The following CFAP20DC variants were observed in gnomAD, a reference collection of about 807,000 sequenced individuals.
The protein encoded by CFAP20DC is protein CFAP20DC.
CFAP20DC carries 84 observed loss-of-function variants against 101.7 expected under a neutral mutation model. That is an observed-to-expected ratio of 0.83 (90% confidence interval 0.69 to 0.99). The LOEUF (loss-of-function observed/expected upper bound fraction) is 0.99, where lower values mean the gene tolerates loss of function less well. Among genes scored for constraint, CFAP20DC ranks in the 50% least tolerant of loss-of-function variants. The probability of loss-of-function intolerance (pLI) is 0.00; values close to 1 mark genes in which losing one functional copy is unlikely to be tolerated. For missense variants in CFAP20DC, 1,007 were observed against 970.3 expected, an observed-to-expected ratio of 1.04 and a Z score of -0.50; for synonymous variants, 359 against 351.2, an observed-to-expected ratio of 1.02 and a Z score of -0.25.
intron 4 of CFAP20DC, among the ~76,000 whole-genome samples, chr3:59,033,157 C>T (rs1284800614): frequency 6.6e-6 from 1 of 152,120 alleles, no homozygotes; most frequent in African/African-American, 2.4e-5. Flanking sequence ...GTATCAACAT[C>T]AACAAAAAGG....
At chr3:58,973,038 T>C (rs974636588) in intron 4 of CFAP20DC, among the ~76,000 whole-genome samples, 17 of 152,204 alleles carry the variant, frequency 1.1e-4, no homozygotes, top group African/African-American at 2.9e-4. Context: ...ATTCAAATTG[T>C]TTCTAAGGTT....
At chr3:58,808,621 TAAAGAC>T (rs1559620889) in intron 14 of CFAP20DC, among the ~76,000 whole-genome samples, 2 of 152,162 alleles carry the variant, frequency 1.3e-5, no homozygotes, top group African/African-American at 4.8e-5. Flanking sequence ...TGCCAAATTG[TAAAGAC>T]CATCGAGGCT....
At chr3:58,881,804 C>CA (rs2081250816) in intron 7 of CFAP20DC, among the ~76,000 whole-genome samples, 1 of 152,030 alleles carries the variant, frequency 6.6e-6, no homozygotes, top group Admixed American at 6.6e-5. Context: ...TAGAAAGACA[C>CA]AAAAACAAGT....
intron 15 of CFAP20DC, among the ~76,000 whole-genome samples, chr3:58,780,540 A>C (rs1300471957): frequency 6.6e-6 from 1 of 152,050 alleles, no homozygotes; most frequent in Admixed American, 6.6e-5. Context: ...TGCTGCCTAC[A>C]AGAATCTCAT....
intron 4 of CFAP20DC, among the ~76,000 whole-genome samples, chr3:58,983,276 C>T (rs2092640508): frequency 6.6e-6 from 1 of 152,090 alleles, no homozygotes; most frequent in Non-Finnish European, 1.5e-5. Context: ...AACAGCTACA[C>T]CTGTTTTATG....
chr3:58,849,463 A>T, intron 12 of CFAP20DC, 54 bp from the exon 13 acceptor site: 1 of 1,287,230 alleles, frequency 7.8e-7, no homozygotes, highest in Non-Finnish European at 1.0e-6. Context: ...GTGGTGAATA[A>T]GTTACTGAGT....
chr3:58,807,654 G>A (rs564623559), intron 14 of CFAP20DC, among the ~76,000 whole-genome samples: 1 of 152,362 alleles, frequency 6.6e-6, no homozygotes, highest in Non-Finnish European at 1.5e-5. Context: ...CTAAAAAGCA[G>A]AGCGCGTCTC....
intron 15 of CFAP20DC, among the ~76,000 whole-genome samples, chr3:58,763,352 C>G (rs935508783): frequency 2.0e-5 from 3 of 152,192 alleles, no homozygotes; most frequent in Non-Finnish European, 4.4e-5. Context: ...CTTGTGTATT[C>G]ATCACGTAGT....
intron 3 of CFAP20DC, among the ~76,000 whole-genome samples, chr3:58,733,248 C>T (rs974894801): frequency 1.3e-5 from 2 of 152,176 alleles, no homozygotes; most frequent in African/African-American, 4.8e-5. Context: ...AGGAGAATCA[C>T]TTGAACGCAG....
chr3:58,962,946 A>G lies in CFAP20DC; in HGVS notation c.279-25184T>C, dbSNP rs79245199. On this transcript the variant is annotated intron_variant, in intron 4 of 16. Coordinates refer to ENST00000482387, the MANE Select transcript of CFAP20DC (RefSeq NM_001394063.1). ...TACTGCTTGCCCCAACCAGGATCTC[A>G]AACTCAGGCCAGCTGTGATGTTGGC... 2.2e-3 allele frequency among the ~76,000 whole-genome samples: 336 copies of G among 152,050 alleles called. 2 individuals carry two copies. Among genetic ancestry groups the G allele is most frequent in the African/African-American group, 7.5e-3 (312 of 41,482 alleles).
chr3:58,814,457 T>G (rs889232086), intron 14 of CFAP20DC, among the ~76,000 whole-genome samples: 3 of 151,370 alleles, frequency 2.0e-5, no homozygotes, highest in Admixed American at 1.3e-4. Flanking sequence ...AAGACAGGGA[T>G]GCCCTCTCTC....
At chr3:58,765,490 C>CAAAAAAAAAAAAAAAAAAAAAAAAAAA (rs1337049385) in intron 15 of CFAP20DC, among the ~76,000 whole-genome samples, 3 of 81,826 alleles carry the variant, frequency 3.7e-5, no homozygotes, top group African/African-American at 1.3e-4. Context: ...AAAAAAAAAC[C>CAAAAAAAAAAAAAAAAAAAAAAAAAAA]AAAAAAAAAA....
At chr3:58,848,168 TA>T (rs55786702) in intron 13 of CFAP20DC, among the ~76,000 whole-genome samples, 3 of 143,998 alleles carry the variant, frequency 2.1e-5, no homozygotes, top group Non-Finnish European at 1.5e-5. Context: ...AAAGTATAAT[TA>T]AAAAAAAAAA....
chr3:58,920,072 C>CTTTTT lies in CFAP20DC; in HGVS notation c.394-6213_394-6209dup, dbSNP rs71091396. 2.4e-4 allele frequency among the ~76,000 whole-genome samples: 11 copies of CTTTTT among 46,806 alleles called. 1 individual carries two copies. Among genetic ancestry groups the CTTTTT allele is most frequent in the African/African-American group, 9.3e-4 (11 of 11,768 alleles). The allele number at this position is 46,806 out of a possible 152,430, so 30.7% of individuals were successfully genotyped here. Reference sequence around the variant, plus strand: ...AATACAAGTGGTTAGGGTGGATATTCTTTTTTTTTTTTTTTTTTTTTTTTT... The same window carrying CTTTTT: ...AATACAAGTGGTTAGGGTGGATATTCTTTTTTTTTTTTTTTTTTTTTTTTTTTTTT... On this transcript the variant is annotated intron_variant, in intron 5 of 16. Coordinates refer to ENST00000482387, the MANE Select transcript of CFAP20DC (RefSeq NM_001394063.1).
chr3:58,814,607 C>A (rs1307136185), intron 14 of CFAP20DC, among the ~76,000 whole-genome samples: 1 of 151,060 alleles, frequency 6.6e-6, no homozygotes, highest in Non-Finnish European at 1.5e-5. Context: ...TCTAGAAAAC[C>A]CCATTGTCTC....
chr3:58,809,082 A>C (rs2074374341), intron 14 of CFAP20DC, among the ~76,000 whole-genome samples: 1 of 152,160 alleles, frequency 6.6e-6, no homozygotes, highest in Non-Finnish European at 1.5e-5. Context: ...TGAGTGACCT[A>C]CAAAGAGACT....
Position 58,912,394 on chromosome 3 carries a change from G to C in CFAP20DC, c.550+1314C>G, listed in dbSNP as rs2084242351. On this transcript the variant is annotated intron_variant, in intron 6 of 16. Transcript: ENST00000482387. The surrounding 1 kb of genome is among the most constrained non-coding windows in gnomAD (Gnocchi z 4.4). ...GGTACATAAGATGAGCAGCCACACT[G>C]TGGTGTGTGATCTCTTTGGAGAGCT... Among the ~76,000 whole-genome samples the C allele has an allele frequency of 6.6e-6, 1 of 152,124 alleles. No individual in the cohort carries two copies. Among genetic ancestry groups the C allele is most frequent in the South Asian group, 2.1e-4 (1 of 4,830 alleles).
chr3:58,935,873 C>T (rs1184843571), intron 5 of CFAP20DC, among the ~76,000 whole-genome samples: 3 of 152,140 alleles, frequency 2.0e-5, no homozygotes, highest in Non-Finnish European at 4.4e-5. Context: ...GCAAGGACTT[C>T]ATGTCTGAAA....
At chr3:58,789,701 G>A (rs1339230600) in intron 15 of CFAP20DC, among the ~76,000 whole-genome samples, 1 of 152,106 alleles carries the variant, frequency 6.6e-6, no homozygotes, top group Non-Finnish European at 1.5e-5. Flanking sequence ...ACACTGATAT[G>A]GGTGATAAAT....
Sources: allele counts gnomAD v4.1 joint callset (sites outside exome capture counted in the v4.1 genomes callset), GRCh38; gene constraint gnomAD v4.1.1; non-coding constraint Gnocchi (gnomAD v3.1); transcripts MANE v1.5; gene names NCBI Gene and HGNC (gene_info 2026-07-23, HGNC 2026-07-21).